Variants in PSMD12 observed in about 807,000 individuals in gnomAD.
PSMD12 encodes the protein 26S proteasome non-ATPase regulatory subunit 12.
A neutral mutation model predicts 62.9 loss-of-function variants in PSMD12; 8 were observed. The observed-to-expected ratio is 0.13, with a 90% CI of 0.07 to 0.23. PSMD12 has a LOEUF of 0.23. Among genes scored for constraint, PSMD12 ranks in the 10% least tolerant of loss-of-function variants. The probability of loss-of-function intolerance (pLI) is 1.00; values close to 1 mark genes in which losing one functional copy is unlikely to be tolerated. For synonymous variants in PSMD12, 173 were observed against 187.4 expected, an observed-to-expected ratio of 0.92 and a Z score of 0.63; for missense variants, 424 against 550.2, an observed-to-expected ratio of 0.77 and a Z score of 2.29.
rs189941295 is a variant in PSMD12, at chr17:67,356,095, G to A, written c.297+1208C>T. On this transcript the variant is annotated intron_variant, in intron 3 of 10. Transcript: ENST00000356126. ...CAGGCAGGCACTCTAAGTGGGGGTT[G>A]GGTCATCCTGGAAATGCAGCCTTGA... 1.1e-3 allele frequency among the ~76,000 whole-genome samples: 165 copies of A among 152,110 alleles called. 1 individual carries two copies. The highest frequency in any genetic ancestry group is 2.0e-3 in the Non-Finnish European group (135 of 68,006).
intron 3 of PSMD12, among the ~76,000 whole-genome samples, chr17:67,355,112 G>A (rs1368381767): frequency 1.0e-4 from 13 of 123,986 alleles, no homozygotes; most frequent in Non-Finnish European, 2.1e-4. Flanking sequence ...TTTTTTTGGA[G>A]ACAAGAGTCT....
At position 67,342,258 on chromosome 17, in the gene PSMD12, A is replaced by G. The variant is rs1418969310; in HGVS notation, c.1089T>C (p.Ile363=). 26 of 1,570,468 alleles carry G rather than the reference A, an allele frequency of 1.7e-5. No homozygotes were observed. The highest frequency in any genetic ancestry group is 2.3e-5 in the Non-Finnish European group (26 of 1,140,846). The change falls in exon 10 of 11, where the codon ATT becomes ATC. Residue 363 remains isoleucine (I), a synonymous_variant. Transcript: ENST00000356126. ...DLKNRVVEHN[I]RIMAKYYTRI... ...GAGTATAATACTTGGCCATTATTCT[A>G]ATATTCTGGGGAGAGGATAGAGAGC...
intron 1 of PSMD12, among the ~76,000 whole-genome samples, chr17:67,359,170 T>C (rs2042106872): frequency 6.6e-6 from 1 of 151,642 alleles, no homozygotes; most frequent in Admixed American, 6.6e-5. Flanking sequence ...GCATGGAAAA[T>C]AGGGGCAGAT....
Position 67,338,240 on chromosome 17 carries a change from C to G in PSMD12, c.*2603G>C, listed in dbSNP as rs1416691657. The G allele has an allele frequency of 1.3e-5, 2 of 152,206 alleles. No individual in the cohort carries two copies. Among genetic ancestry groups the G allele is most frequent in the Non-Finnish European group, 2.9e-5 (2 of 68,042 alleles). 9.4% of individuals were successfully genotyped at this position (152,206 alleles called of 1,614,324 possible). On this transcript the variant is annotated 3_prime_UTR_variant, in exon 11 of 11. Coordinates refer to ENST00000356126, the MANE Select transcript of PSMD12 (RefSeq NM_002816.5). ...TACACTAATGACAATGAAATGGAAT[C>G]AAGTGTTATCTTCTCCACATTTAAA...
At chr17:67,349,263 C>T (rs1263320951) in intron 4 of PSMD12, among the ~76,000 whole-genome samples, 1 of 152,202 alleles carries the variant, frequency 6.6e-6, no homozygotes, top group East Asian at 1.9e-4. Context: ...AGATGATCCG[C>T]CCACCTCGGC....
chr17:67,345,316 C>T (rs1048340906), intron 8 of PSMD12, among the ~76,000 whole-genome samples: 3 of 152,142 alleles, frequency 2.0e-5, no homozygotes, highest in African/African-American at 7.2e-5. Context: ...TAGTTTTATT[C>T]TCTAGTATAC....
At chr17:67,352,076 CTCTCA>C (rs2042023838) in intron 3 of PSMD12, among the ~76,000 whole-genome samples, 1 of 146,696 alleles carries the variant, frequency 6.8e-6, no homozygotes, top group African/African-American at 2.5e-5. Context: ...GCGAGAATCT[CTCTCA>C]AAAAAAAAAA....
chr17:67,358,989 C>T (rs928354906), intron 1 of PSMD12, among the ~76,000 whole-genome samples: 3 of 152,040 alleles, frequency 2.0e-5, no homozygotes, highest in Non-Finnish European at 4.4e-5. Context: ...GATAATACAC[C>T]AGGAGTAAAA....
rs184964692 is a variant in PSMD12 at position 67,356,753 on chromosome 17, G to A, written c.297+550C>T. Among the ~76,000 whole-genome samples, 104 of 152,140 alleles carry A rather than the reference G, an allele frequency of 6.8e-4. 1 individual carries two copies. In the Middle Eastern group the frequency reaches 0.01, roughly 15 times the overall value. The stretch of plus-strand genomic sequence containing the variant: ...GGGCTAGGCACAGGGACTCATGCCT[G>A]TAATTCTAGCATTTTGAGAGGCCAA... On this transcript the variant is annotated intron_variant, in intron 3 of 10. Coordinates refer to ENST00000356126, the MANE Select transcript of PSMD12 (RefSeq NM_002816.5).
At chr17:67,341,732 G>A (rs1347478930) in intron 10 of PSMD12, among the ~76,000 whole-genome samples, 1 of 152,140 alleles carries the variant, frequency 6.6e-6, no homozygotes, top group African/African-American at 2.4e-5. Context: ...TAGAATATAT[G>A]CTCTGCTACT....
chr17:67,338,334 G>A lies in PSMD12; in HGVS notation c.*2509C>T, dbSNP rs953437651. ...GTAAAACAGGATTAATTGAGGTTCC[G>A]AACAACTCAAATATTTCACTATTGT... On this transcript the variant is annotated 3_prime_UTR_variant, in exon 11 of 11. Transcript: ENST00000356126. 1.3e-4 allele frequency: 20 copies of A among 152,248 alleles called. No homozygotes were observed. The highest frequency in any genetic ancestry group is 3.9e-4 in the East Asian group (2 of 5,182). The allele number at this position is 152,248 out of a possible 1,614,324, so 9.4% of individuals were successfully genotyped here.
chr17:67,353,774 A>C (rs762993212), intron 3 of PSMD12, among the ~76,000 whole-genome samples: 2 of 152,174 alleles, frequency 1.3e-5, no homozygotes. Context: ...CAGGGAAAGG[A>C]GCATGCCTGG....
At chr17:67,355,089 G>GTTTT (rs533603458) in intron 3 of PSMD12, among the ~76,000 whole-genome samples, 9 of 121,404 alleles carry the variant, frequency 7.4e-5, no homozygotes, top group East Asian at 2.5e-4. Flanking sequence ...CATATTTTTG[G>GTTTT]TTTTTTTTTT....
At chr17:67,363,156 CT>C (rs577817437) in intron 1 of PSMD12, among the ~76,000 whole-genome samples, 27 of 147,606 alleles carry the variant, frequency 1.8e-4, no homozygotes, top group East Asian at 5.9e-4. Flanking sequence ...CTATATACAA[CT>C]TTTTTTTTTT....
intron 1 of PSMD12, among the ~76,000 whole-genome samples, chr17:67,362,402 C>T (rs990055933): frequency 2.0e-5 from 3 of 152,114 alleles, no homozygotes; most frequent in Non-Finnish European, 4.4e-5. Context: ...TGGCTGGGCG[C>T]GGTGGCTCAC....
intron 8 of PSMD12, 189 bp downstream of exon 8, chr17:67,345,556 C>T: frequency 3.8e-6 from 2 of 531,302 alleles, no homozygotes; most frequent in Non-Finnish European, 6.8e-6. Context: ...GCAGAAGAAT[C>T]ACTTGAACCC....
chr17:67,366,063 C>A (rs1204733043), intron 1 of PSMD12, among the ~76,000 whole-genome samples: 1 of 152,214 alleles, frequency 6.6e-6, no homozygotes, highest in African/African-American at 2.4e-5. Flanking sequence ...CAGAACGAAA[C>A]TCTCTGATCT....
intron 3 of PSMD12, among the ~76,000 whole-genome samples, chr17:67,354,349 G>A (rs1161957902): frequency 6.6e-6 from 1 of 151,886 alleles, no homozygotes; most frequent in Non-Finnish European, 1.5e-5. Context: ...GATTGAGGCT[G>A]CAGTGAGCTA....
chr17:67,348,713 G>A (rs1263982150), intron 4 of PSMD12, 59 bp from the exon 5 acceptor site: 1 of 1,472,100 alleles, frequency 6.8e-7, no homozygotes, highest in Non-Finnish European at 9.4e-7. Flanking sequence ...AATTTAAAAA[G>A]TAGGCTGGGT....
Sources: allele counts gnomAD v4.1 joint callset (sites outside exome capture counted in the v4.1 genomes callset), GRCh38; gene constraint gnomAD v4.1.1; transcripts MANE v1.5; gene names NCBI Gene and HGNC (gene_info 2026-07-23, HGNC 2026-07-21).